DNAJC13: variants seen among roughly 807,000 people sequenced by gnomAD.
DNAJC13 encodes the protein dnaJ homolog subfamily C member 13.
In DNAJC13, 75 loss-of-function variants were observed where a neutral mutation model predicts 290.5. The observed-to-expected ratio is 0.26, with a 90% confidence interval of 0.21 to 0.31. The LOEUF is 0.31. DNAJC13 is among the 10% of genes least tolerant of loss of function. The pLI is 1.00. For synonymous variants in DNAJC13, 862 were observed against 892.0 expected (o/e 0.97, Z 0.60); for missense variants, 2,260 against 2,674.5 (o/e 0.85, Z 3.42).
At chr3:132,515,620 A>G (rs552703118) in intron 46 of DNAJC13, among the ~76,000 whole-genome samples, 13 of 152,248 alleles carry the variant, frequency 8.5e-5, no homozygotes, top group African/African-American at 3.1e-4. Context: ...GGTGAAGTAA[A>G]GGATGTTATG....
intron 15 of DNAJC13, 26 bp from the exon 16 acceptor site, chr3:132,462,441 G>T: frequency 1.3e-6 from 2 of 1,597,432 alleles, no homozygotes; most frequent in South Asian, 1.1e-5. Context: ...TTTATTTTTT[G>T]ATACTTTTTC....
At chr3:132,454,531 G>T (rs1933528371) in intron 9 of DNAJC13, among the ~76,000 whole-genome samples, 1 of 151,446 alleles carries the variant, frequency 6.6e-6, no homozygotes, top group South Asian at 2.1e-4. Context: ...GTAGAGATGG[G>T]GTTTCGCCGT....
At chr3:132,467,099 C>A (rs531019373) in intron 19 of DNAJC13, 71 bp from the exon 20 acceptor site, 316 of 1,490,716 alleles carry the variant, frequency 2.1e-4, no homozygotes, top group Non-Finnish European at 2.7e-4. Context: ...GATAGAATGA[C>A]TCAGCTTTAC....
chr3:132,484,757 A>G, intron 29 of DNAJC13, 85 bp downstream of exon 29: 1 of 1,287,724 alleles, frequency 7.8e-7, no homozygotes, highest in Admixed American at 1.7e-5. Flanking sequence ...GTTTTGTTGC[A>G]GTCTATTCCA....
intron 41 of DNAJC13, 90 bp from the exon 42 acceptor site, chr3:132,505,212 G>C (rs1680127993): frequency 1.3e-6 from 1 of 748,812 alleles, no homozygotes. Context: ...AACTATTATA[G>C]TGTTTGGCCT....
Position 132,447,387 on chromosome 3 carries a change from A to T in DNAJC13, c.211A>T (p.Thr71Ser). 6.2e-7 allele frequency: 1 copy of T among 1,609,050 alleles called. No individual in the cohort carries two copies. The highest frequency in any genetic ancestry group is 8.5e-7 in the Non-Finnish European group (1 of 1,177,780). Residue 71 changes from threonine to serine, a missense_variant, in exon 4 of 56, where the codon ACA becomes TCA. Physicochemically the swap from Thr to Ser is moderately conservative, Grantham distance 58 (BLOSUM62 1). Transcript: ENST00000260818. ...GKGQGTEFNL[T>S]FRKGSGKKSE... is the part of the protein sequence containing the mutation. ...AGGACAAGGAACGGAGTTCAACCTC[A>T]CATTTCGTAAAGGCAGTGGAAAAAA...
intron 20 of DNAJC13, among the ~76,000 whole-genome samples, chr3:132,469,938 A>C (rs1427520449): frequency 8.5e-6 from 1 of 117,950 alleles, no homozygotes; most frequent in Non-Finnish European, 1.8e-5. Context: ...ATGTATATAC[A>C]TGGGTTTCAT....
chr3:132,495,295 A>G, intron 35 of DNAJC13, 129 bp downstream of exon 35: 1 of 634,374 alleles, frequency 1.6e-6, no homozygotes, highest in Non-Finnish European at 2.6e-6. Context: ...TGTTTAATAA[A>G]CTTCTGGCCA....
chr3:132,461,711 G>T (rs1308622618), intron 15 of DNAJC13, among the ~76,000 whole-genome samples: 1 of 151,576 alleles, frequency 6.6e-6, no homozygotes, highest in Non-Finnish European at 1.5e-5. Context: ...TATTTTTTGA[G>T]GTGAAGGTCT....
chr3:132,442,870 T>C (rs1273826455), intron 2 of DNAJC13, among the ~76,000 whole-genome samples: 7 of 152,220 alleles, frequency 4.6e-5, no homozygotes, highest in African/African-American at 1.4e-4. Context: ...AAAGGTCTTT[T>C]TTCTGATGTT....
intron 21 of DNAJC13, among the ~76,000 whole-genome samples, chr3:132,473,666 C>CTAA (rs1934363623): frequency 6.6e-6 from 1 of 151,884 alleles, no homozygotes; most frequent in Non-Finnish European, 1.5e-5. Context: ...TCACCCTTAC[C>CTAA]CTGCACCCCC....
chr3:132,510,969 A>T, intron 43 of DNAJC13, 98 bp from the exon 44 acceptor site: 1 of 1,316,880 alleles, frequency 7.6e-7, no homozygotes, highest in Non-Finnish European at 1.1e-6. Flanking sequence ...TAATTTAATC[A>T]TGTTTTATTC....
At chr3:132,480,581 T>A in intron 26 of DNAJC13, 111 bp downstream of exon 26, 1 of 748,192 alleles carries the variant, frequency 1.3e-6, no homozygotes, top group Non-Finnish European at 2.2e-6. Flanking sequence ...ATTTTTCCAG[T>A]AATTACAGTA....
At chr3:132,477,297 T>C (rs1188627136) in intron 22 of DNAJC13, among the ~76,000 whole-genome samples, 1 of 152,230 alleles carries the variant, frequency 6.6e-6, no homozygotes, top group African/African-American at 2.4e-5. Context: ...CAACTCCTGA[T>C]CTTTGACTTT....
intron 48 of DNAJC13, among the ~76,000 whole-genome samples, chr3:132,517,696 C>T (rs1404439397): frequency 1.3e-5 from 2 of 152,058 alleles, no homozygotes; most frequent in African/African-American, 4.8e-5. Context: ...GCTAAGATCC[C>T]CTACCTCTAT....
Position 132,486,082 on chromosome 3 carries a change from C to CTTTTTT in DNAJC13, c.3267+1432_3267+1437dup, listed in dbSNP as rs758049804. On this transcript the variant is annotated intron_variant, in intron 29 of 55. Transcript: ENST00000260818. ...CTTCTAAATACAGTAATGCCCTATC[C>CTTTTTT]TTTTTTTTTTTTTTTTTTTTTTTTT... Among the ~76,000 whole-genome samples the CTTTTTT allele has an allele frequency of 2.2e-4, 9 of 40,508 alleles. 1 individual carries two copies. The highest frequency in any genetic ancestry group is 7.1e-4 in the Admixed American group (2 of 2,832). The allele number at this position is 40,508 out of a possible 152,430, so 26.6% of individuals were successfully genotyped here. A position where few individuals can be genotyped will look rare whatever the true frequency, so the allele number is the denominator to read the frequency against.
intron 1 of DNAJC13, among the ~76,000 whole-genome samples, chr3:132,422,578 T>C (rs1252040221): frequency 6.6e-6 from 1 of 152,228 alleles, no homozygotes; most frequent in East Asian, 1.9e-4. Context: ...ATAACACTTC[T>C]TGTTATGTGG....
rs1382092422 is a variant in DNAJC13, at chr3:132,522,935, G to A, written c.5781G>A (p.Glu1927=). The change falls in exon 49 of 56, where the codon GAG becomes GAA. Residue 1927 remains glutamate (E), a synonymous_variant. Coordinates refer to ENST00000260818, the MANE Select transcript of DNAJC13 (RefSeq NM_015268.4). ...HIFEGTHENP[E]LIWNDNSRDK... is the part of the protein sequence containing the mutation. ...TTGAAGGAACTCATGAAAATCCTGA[G>A]TTAATTTGGAATGATAATTCCAGAG... is the stretch of plus-strand genomic sequence containing the variant. 20 of 1,613,694 alleles carry A rather than the reference G, an allele frequency of 1.2e-5. No individual in the cohort carries two copies. Among genetic ancestry groups the A allele is most frequent in the Non-Finnish European group, 1.7e-5 (20 of 1,179,802 alleles).
chr3:132,436,976 T>C (rs955232719), intron 2 of DNAJC13, among the ~76,000 whole-genome samples: 2 of 151,920 alleles, frequency 1.3e-5, no homozygotes, highest in African/African-American at 4.8e-5. Context: ...CCTCATGGGT[T>C]CAAGCAATTC....
Sources: allele counts gnomAD v4.1 joint callset (sites outside exome capture counted in the v4.1 genomes callset), GRCh38; gene constraint gnomAD v4.1.1; transcripts MANE v1.5; gene names NCBI Gene and HGNC (gene_info 2026-07-23, HGNC 2026-07-21).